The following CNTNAP4 variants were observed in gnomAD, a reference collection of about 807,000 sequenced individuals.
CNTNAP4 encodes contactin associated protein family member 4.
Under a neutral mutation model 148.4 loss-of-function variants are expected in CNTNAP4, and 98 were observed. That is an observed-to-expected ratio of 0.66 (90% CI 0.56 to 0.78). The LOEUF (loss-of-function observed/expected upper bound fraction) is 0.78, where lower values mean the gene tolerates loss of function less well. Among genes scored for constraint, CNTNAP4 ranks in the 30% least tolerant of loss-of-function variants. The probability of loss-of-function intolerance (pLI) is 0.00; values close to 1 mark genes in which losing one functional copy is unlikely to be tolerated. For synonymous variants in CNTNAP4, 730 were observed against 565.1 expected (o/e 1.29, Z -4.14); for missense variants, 1,935 against 1,565.6 (o/e 1.24, Z -3.98).
At chr16:76,358,295 C>T (rs1406732789) in intron 3 of CNTNAP4, among the ~76,000 whole-genome samples, 4 of 152,132 alleles carry the variant, frequency 2.6e-5, no homozygotes, top group Non-Finnish European at 5.9e-5. Context: ...GAGATTGCAC[C>T]ACTGCACTCC....
At chr16:76,290,329 A>C (rs1009857673) in intron 1 of CNTNAP4, among the ~76,000 whole-genome samples, 6 of 152,166 alleles carry the variant, frequency 3.9e-5, no homozygotes, top group African/African-American at 1.4e-4. Flanking sequence ...AAAACCACAC[A>C]TGCTCATTCT....
intron 3 of CNTNAP4, among the ~76,000 whole-genome samples, chr16:76,362,275 T>A (rs1488190454): frequency 6.6e-6 from 1 of 151,948 alleles, no homozygotes; most frequent in Non-Finnish European, 1.5e-5. Context: ...AATGAAAAAA[T>A]TTCTGTGTTC....
chr16:76,309,219 T>C (rs1250671699), intron 1 of CNTNAP4, among the ~76,000 whole-genome samples: 1 of 152,062 alleles, frequency 6.6e-6, no homozygotes, highest in Non-Finnish European at 1.5e-5. Context: ...ACTGTACAGC[T>C]GCAGCTGTGA....
intron 17 of CNTNAP4, among the ~76,000 whole-genome samples, chr16:76,532,320 C>T (rs140664463): frequency 7.9e-5 from 12 of 152,260 alleles, no homozygotes; most frequent in Non-Finnish European, 1.2e-4. Flanking sequence ...CTGCCTCTAA[C>T]GAAATGTGTT....
intron 3 of CNTNAP4, among the ~76,000 whole-genome samples, chr16:76,417,586 C>A (rs1415957323): frequency 2.6e-5 from 4 of 151,450 alleles, no homozygotes; most frequent in African/African-American, 7.3e-5. Context: ...GCTATAAGCA[C>A]CCAATGCATG....
At chr16:76,321,801 A>AC (rs772151403) in intron 2 of CNTNAP4, among the ~76,000 whole-genome samples, 3 of 149,400 alleles carry the variant, frequency 2.0e-5, no homozygotes, top group African/African-American at 7.4e-5. Context: ...AAAAAAAAAA[A>AC]AAAAAACTTT....
intron 7 of CNTNAP4, among the ~76,000 whole-genome samples, chr16:76,450,978 C>T (rs1025224609): frequency 2.6e-5 from 4 of 152,208 alleles, no homozygotes; most frequent in East Asian, 1.9e-4. Context: ...AACTTACAGA[C>T]ATTTTCAGCC....
chr16:76,410,878 A>G (rs944326384), intron 3 of CNTNAP4, among the ~76,000 whole-genome samples: 3 of 151,604 alleles, frequency 2.0e-5, no homozygotes, highest in Non-Finnish European at 4.4e-5. Context: ...ACAATTGGGC[A>G]TGTCTCAGAG....
chr16:76,534,645 T>A (rs1568546316), intron 17 of CNTNAP4, among the ~76,000 whole-genome samples: 1 of 152,202 alleles, frequency 6.6e-6, no homozygotes, highest in Non-Finnish European at 1.5e-5. Context: ...TCATCTGAAT[T>A]AGAATCTCCT....
At position 76,479,538 on chromosome 16, in the gene CNTNAP4, G is replaced by A. The variant is rs1479349316; in HGVS notation, c.1882G>A (p.Glu628Lys). 4.4e-6 allele frequency: 7 copies of A among 1,602,240 alleles called. No individual in the cohort carries two copies. Among genetic ancestry groups the A allele is most frequent in the Admixed American group, 1.7e-5 (1 of 57,628 alleles). ...ATTTCTTCTATATTGCAATATGACC[G>A]GTGAGTTAATCAGCTTTTATTTTAC... ...EPFLLYCNMT[E>K]TAWTIIQHNG... The change falls in exon 12 of 24, where the codon GAA becomes AAA. Residue 628 changes from glutamate to lysine, a missense_variant and splice_region_variant. Transcript: ENST00000611870.
intron 12 of CNTNAP4, among the ~76,000 whole-genome samples, chr16:76,479,933 GTT>G (rs1285401841): frequency 1.3e-5 from 2 of 152,190 alleles, no homozygotes; most frequent in South Asian, 2.1e-4. Context: ...ATGGAAATAT[GTT>G]TGATTAAATT....
At chr16:76,372,969 T>C (rs1179494664) in intron 3 of CNTNAP4, among the ~76,000 whole-genome samples, 2 of 152,208 alleles carry the variant, frequency 1.3e-5, no homozygotes, top group Admixed American at 6.5e-5. Context: ...ATAATATTAT[T>C]TGAGTATAAA....
At chr16:76,411,851 T>C (rs1041497384) in intron 3 of CNTNAP4, among the ~76,000 whole-genome samples, 2 of 151,396 alleles carry the variant, frequency 1.3e-5, no homozygotes, top group Non-Finnish European at 3.0e-5. Flanking sequence ...ACAAAAAGCA[T>C]AAATGTATAT....
chr16:76,328,342 G>C (rs950969785), intron 2 of CNTNAP4, among the ~76,000 whole-genome samples: 1 of 152,108 alleles, frequency 6.6e-6, no homozygotes, highest in Non-Finnish European at 1.5e-5. Flanking sequence ...CTGAAGTATA[G>C]AATCTTCTAC....
intron 1 of CNTNAP4, among the ~76,000 whole-genome samples, chr16:76,279,200 A>G (rs1958593866): frequency 6.6e-6 from 1 of 152,142 alleles, no homozygotes; most frequent in African/African-American, 2.4e-5. Context: ...CCAAAAAGAA[A>G]AGCACTAGAG....
intron 17 of CNTNAP4, among the ~76,000 whole-genome samples, chr16:76,532,627 A>G (rs891322857): frequency 6.6e-6 from 1 of 152,232 alleles, no homozygotes; most frequent in Non-Finnish European, 1.5e-5. Context: ...GATAATACAA[A>G]GTAAATTAAA....
intron 3 of CNTNAP4, among the ~76,000 whole-genome samples, chr16:76,359,830 G>A (rs1260308374): frequency 1.3e-5 from 2 of 152,112 alleles, no homozygotes; most frequent in Admixed American, 6.5e-5. Context: ...GATTGAAAAA[G>A]TAAACATAAG....
chr16:76,383,823 A>G (rs549699910), intron 3 of CNTNAP4, among the ~76,000 whole-genome samples: 10 of 152,248 alleles, frequency 6.6e-5, no homozygotes, highest in Admixed American at 1.3e-4. Context: ...CTTGGAGGGG[A>G]CATGGGTGTA....
chr16:76,435,741 G>A (rs1465748364), intron 4 of CNTNAP4, among the ~76,000 whole-genome samples: 3 of 152,116 alleles, frequency 2.0e-5, no homozygotes, highest in Non-Finnish European at 4.4e-5. Flanking sequence ...CAGGCTTCCA[G>A]CTCGCTCACA....
Sources: allele counts gnomAD v4.1 joint callset (sites outside exome capture counted in the v4.1 genomes callset), GRCh38; gene constraint gnomAD v4.1.1; transcripts MANE v1.5; gene names NCBI Gene and HGNC (gene_info 2026-07-23, HGNC 2026-07-21).